ST6GALNAC3: variants seen among roughly 807,000 people sequenced by gnomAD.
ST6GALNAC3 encodes alpha-N-acetylgalactosaminide alpha-2,6-sialyltransferase 3.
A neutral mutation model predicts 32.7 loss-of-function variants in ST6GALNAC3; 25 were observed. That is an observed-to-expected ratio of 0.76 (90% CI 0.56 to 1.07). The LOEUF (loss-of-function observed/expected upper bound fraction) is 1.07, where lower values mean the gene tolerates loss of function less well. ST6GALNAC3 is among the 50% of genes least tolerant of loss of function. The pLI is 0.00. For synonymous variants in ST6GALNAC3, 129 were observed against 133.1 expected (o/e 0.97, Z 0.21); for missense variants, 355 against 382.4 (o/e 0.93, Z 0.60).
At chr1:76,598,406 G>A (rs749188104) in intron 3 of ST6GALNAC3, among the ~76,000 whole-genome samples, 78 of 152,128 alleles carry the variant, frequency 5.1e-4, no homozygotes, top group Non-Finnish European at 8.7e-4. Flanking sequence ...AGCCTCCATC[G>A]CTTTCAGAAG....
At chr1:76,277,535 T>C (rs1659206263) in intron 1 of ST6GALNAC3, among the ~76,000 whole-genome samples, 1 of 44,028 alleles carries the variant, frequency 2.3e-5, no homozygotes, top group South Asian at 7.0e-4. Flanking sequence ...TGTGTATATA[T>C]ATATATATAT....
At chr1:76,246,664 A>G (rs1038821681) in intron 1 of ST6GALNAC3, among the ~76,000 whole-genome samples, 2 of 152,090 alleles carry the variant, frequency 1.3e-5, no homozygotes, top group African/African-American at 4.8e-5. Flanking sequence ...CAGGTCATTT[A>G]TGCTCCTCTC....
chr1:76,205,291 G>C (rs1352282828), intron 1 of ST6GALNAC3, among the ~76,000 whole-genome samples: 1 of 152,138 alleles, frequency 6.6e-6, no homozygotes, highest in Non-Finnish European at 1.5e-5. Flanking sequence ...GCAGAGAATG[G>C]CTGCTTTAGA....
intron 1 of ST6GALNAC3, among the ~76,000 whole-genome samples, chr1:76,131,399 C>T (rs972102371): frequency 6.6e-6 from 1 of 152,160 alleles, no homozygotes; most frequent in African/African-American, 2.4e-5. Flanking sequence ...GAAGGGACCC[C>T]TGAGGGAAGA....
Position 76,608,605 on chromosome 1 carries a change from G to GTT in ST6GALNAC3, c.624-18846_624-18845insTT, listed in dbSNP as rs1459088678. The stretch of plus-strand genomic sequence containing the variant: ...AAAGCCCTGAGCTGGAAATGTGTGT[G>GTT]TGTGTGTGTGTGTGTGTGTGTGTGT... On this transcript the variant is annotated intron_variant, in intron 3 of 4. Transcript: ENST00000328299. Among the ~76,000 whole-genome samples, 15 of 111,954 alleles carry GTT rather than the reference G, an allele frequency of 1.3e-4. No homozygotes were observed. In the East Asian group the frequency reaches 3.1e-3, roughly 23 times the overall value. The allele number at this position is 111,954 out of a possible 152,430, so 73.4% of individuals were successfully genotyped here. A position where few individuals can be genotyped will look rare whatever the true frequency, so the allele number is the denominator to read the frequency against.
chr1:76,533,030 A>G (rs143973801), intron 3 of ST6GALNAC3, among the ~76,000 whole-genome samples: 1 of 152,250 alleles, frequency 6.6e-6, no homozygotes, highest in Non-Finnish European at 1.5e-5. Context: ...AAAGATATTT[A>G]ATTTCCACTG....
intron 1 of ST6GALNAC3, among the ~76,000 whole-genome samples, chr1:76,272,736 C>G (rs1219069544): frequency 1.3e-5 from 2 of 152,196 alleles, no homozygotes; most frequent in African/African-American, 2.4e-5. Context: ...CCAGCCACCC[C>G]CAAAGAACAC....
intron 2 of ST6GALNAC3, among the ~76,000 whole-genome samples, chr1:76,317,431 C>T (rs1402806891): frequency 6.6e-6 from 1 of 152,008 alleles, no homozygotes; most frequent in Non-Finnish European, 1.5e-5. Context: ...AAATAGTGAC[C>T]ACAAAACCAT....
chr1:76,457,138 A>C (rs1183537657), intron 3 of ST6GALNAC3, among the ~76,000 whole-genome samples: 1 of 152,038 alleles, frequency 6.6e-6, no homozygotes, highest in South Asian at 2.1e-4. Flanking sequence ...TAGAAATCCA[A>C]CTTACAAGGG....
intron 2 of ST6GALNAC3, among the ~76,000 whole-genome samples, chr1:76,394,729 A>G (rs1156673755): frequency 2.6e-5 from 4 of 152,176 alleles, no homozygotes; most frequent in Admixed American, 2.6e-4. Flanking sequence ...TTTTATGGTC[A>G]GGTTTCTCAA....
At chr1:76,218,776 A>G (rs1204850104) in intron 1 of ST6GALNAC3, among the ~76,000 whole-genome samples, 1 of 152,170 alleles carries the variant, frequency 6.6e-6, no homozygotes, top group Non-Finnish European at 1.5e-5. Flanking sequence ...AATCTGGCAG[A>G]TCTATGTTTG....
At chr1:76,183,647 A>G (rs80094888) in intron 1 of ST6GALNAC3, among the ~76,000 whole-genome samples, 2,419 of 151,788 alleles carry the variant, frequency 0.016, 48 homozygotes, top group African/African-American at 0.049. Context: ...CCTAGGCTAT[A>G]TGTTATAGCC....
intron 3 of ST6GALNAC3, among the ~76,000 whole-genome samples, chr1:76,442,550 G>T (rs1215353617): frequency 6.6e-6 from 1 of 152,114 alleles, no homozygotes; most frequent in Admixed American, 6.5e-5. Context: ...TCATGATTTA[G>T]TGAGTCATGA....
intron 1 of ST6GALNAC3, among the ~76,000 whole-genome samples, chr1:76,210,447 A>G (rs1183815880): frequency 6.6e-6 from 1 of 152,172 alleles, no homozygotes; most frequent in African/African-American, 2.4e-5. Flanking sequence ...AACCTTATCT[A>G]TATTGAACCA....
chr1:76,538,320 G>T (rs777163207), intron 3 of ST6GALNAC3, among the ~76,000 whole-genome samples: 6 of 151,912 alleles, frequency 3.9e-5, no homozygotes, highest in Non-Finnish European at 7.4e-5. Flanking sequence ...AATTCAACAT[G>T]ACTTCATGTT....
chr1:76,252,551 C>CTT (rs958641145), intron 1 of ST6GALNAC3, among the ~76,000 whole-genome samples: 1 of 148,978 alleles, frequency 6.7e-6, no homozygotes, highest in Non-Finnish European at 1.5e-5. Flanking sequence ...ATGGCCCCCC[C>CTT]TTTTTTTTTT....
At chr1:76,455,411 G>A (rs2101571647) in intron 3 of ST6GALNAC3, among the ~76,000 whole-genome samples, 1 of 152,256 alleles carries the variant, frequency 6.6e-6, no homozygotes, top group South Asian at 2.1e-4. Flanking sequence ...GTTCACTGTA[G>A]CTTGGTCTTG....
intron 3 of ST6GALNAC3, among the ~76,000 whole-genome samples, chr1:76,488,023 G>A (rs896006903): frequency 1.4e-4 from 21 of 152,152 alleles, no homozygotes; most frequent in African/African-American, 2.4e-4. Context: ...TATCAGCAGC[G>A]GAGGCTGCAG....
At chr1:76,437,239 C>G (rs75453681) in intron 3 of ST6GALNAC3, among the ~76,000 whole-genome samples, 1 of 152,058 alleles carries the variant, frequency 6.6e-6, no homozygotes, top group Admixed American at 6.5e-5. Flanking sequence ...AAGCAAAGCC[C>G]CATCTAACAG....
Sources: gnomAD v4.1 joint callset for allele counts (sites outside exome capture counted in the v4.1 genomes callset) on GRCh38, gnomAD v4.1.1 for gene constraint, MANE v1.5 for transcripts, NCBI Gene and HGNC (gene_info 2026-07-23, HGNC 2026-07-21) for gene names.